SORCS1: variants seen among roughly 807,000 people sequenced by gnomAD.
SORCS1 encodes the protein sortilin related VPS10 domain containing receptor 1, also known as VPS10 domain-containing receptor SorCS1.
Under a neutral mutation model 146.1 loss-of-function variants are expected in SORCS1, and 60 were observed. The observed-to-expected ratio is 0.41, with a 90% confidence interval of 0.33 to 0.51. SORCS1 has a LOEUF of 0.51. SORCS1 is among the 20% of genes least tolerant of loss of function. The probability of loss-of-function intolerance (pLI) is 0.21; values close to 1 mark genes in which losing one functional copy is unlikely to be tolerated. For synonymous variants in SORCS1, 637 were observed against 584.0 expected, an observed-to-expected ratio of 1.09 and a Z score of -1.31; for missense variants, 1,352 against 1,487.6, an observed-to-expected ratio of 0.91 and a Z score of 1.50.
intron 5 of SORCS1, among the ~76,000 whole-genome samples, chr10:106,735,350 G>A (rs1378370132): frequency 3.3e-5 from 5 of 152,088 alleles, no homozygotes; most frequent in East Asian, 3.9e-4. Context: ...ATAAGAATGA[G>A]GGCTACATAA....
At chr10:106,721,300 A>G (rs532940789) in intron 6 of SORCS1, among the ~76,000 whole-genome samples, 1 of 152,132 alleles carries the variant, frequency 6.6e-6, no homozygotes, top group African/African-American at 2.4e-5. Flanking sequence ...AAGGAAGACT[A>G]TGAAATGCGG....
intron 1 of SORCS1, among the ~76,000 whole-genome samples, chr10:107,042,102 CT>C (rs1203100135): frequency 3.3e-5 from 5 of 152,204 alleles, no homozygotes; most frequent in Non-Finnish European, 7.4e-5. Flanking sequence ...TTAAGCACAT[CT>C]CCTGTAATTA....
At chr10:107,150,600 A>T (rs1196768243) in intron 1 of SORCS1, among the ~76,000 whole-genome samples, 1 of 152,154 alleles carries the variant, frequency 6.6e-6, no homozygotes, top group Non-Finnish European at 1.5e-5. Flanking sequence ...AGTTCTTCTC[A>T]CTCACTGATA....
chr10:106,798,019 T>C (rs773429733), intron 3 of SORCS1, among the ~76,000 whole-genome samples: 10 of 152,164 alleles, frequency 6.6e-5, no homozygotes, highest in Non-Finnish European at 1.3e-4. Flanking sequence ...CCCACCCAAA[T>C]CTCATCTTGA....
At position 106,631,487 on chromosome 10, in the gene SORCS1, G is replaced by A. The variant is rs188598399; in HGVS notation, c.2476-2099C>T. Reference sequence around the variant, plus strand: ...AAGCCAGCCCTAGGTGTGGGCAAGGGGAAAGAGCCCACTTTTGAAGCAAGT... The same window carrying A: ...AAGCCAGCCCTAGGTGTGGGCAAGGAGAAAGAGCCCACTTTTGAAGCAAGT... On this transcript the variant is annotated intron_variant, in intron 18 of 25. Coordinates refer to ENST00000263054, the MANE Select transcript of SORCS1 (RefSeq NM_052918.5). 3.9e-3 allele frequency among the ~76,000 whole-genome samples: 588 copies of A among 152,308 alleles called. 4 individuals are homozygous for A. Among genetic ancestry groups the A allele is most frequent in the African/African-American group, 0.014 (572 of 41,584 alleles).
chr10:107,014,253 CAAA>C (rs562179526), intron 1 of SORCS1, among the ~76,000 whole-genome samples: 28,708 of 78,434 alleles, frequency 0.37, 2,901 homozygotes, highest in Admixed American at 0.45. Context: ...GACCCTGCGT[CAAA>C]AAAAAAAAAA....
At position 107,074,738 on chromosome 10, in the gene SORCS1, C is replaced by T. The variant is rs1473035180; in HGVS notation, c.558+89231G>A. On this transcript the variant is annotated intron_variant, in intron 1 of 25. Coordinates refer to ENST00000263054, the MANE Select transcript of SORCS1 (RefSeq NM_052918.5). Reference sequence around the variant, plus strand: ...TTCAGTGTTCTCAATTTTGGCCATTCTCATACATGTGTAGTGGTATCTTAT... The same window carrying T: ...TTCAGTGTTCTCAATTTTGGCCATTTTCATACATGTGTAGTGGTATCTTAT... 2.0e-5 allele frequency among the ~76,000 whole-genome samples: 3 copies of T among 152,218 alleles called. No individual in the cohort carries two copies. In the East Asian group the frequency reaches 5.8e-4, roughly 29 times the overall value.
At chr10:106,612,054 A>C (rs533840500) in intron 21 of SORCS1, 31 bp from the exon 22 acceptor site, 2 of 1,517,902 alleles carry the variant, frequency 1.3e-6, no homozygotes, top group Non-Finnish European at 1.8e-6. Flanking sequence ...GGAGTACTAT[A>C]AGTCAAATAG....
chr10:106,738,645 T>G (rs926154105), intron 5 of SORCS1, among the ~76,000 whole-genome samples: 1 of 152,192 alleles, frequency 6.6e-6, no homozygotes, highest in Non-Finnish European at 1.5e-5. Context: ...CCTCTCTTTA[T>G]CCATTTCTGT....
At chr10:106,860,820 G>A (rs1013653718) in intron 2 of SORCS1, among the ~76,000 whole-genome samples, 7 of 152,136 alleles carry the variant, frequency 4.6e-5, no homozygotes, top group African/African-American at 1.2e-4. Context: ...TAATATTGGC[G>A]AGTTGTCATC....
intron 6 of SORCS1, among the ~76,000 whole-genome samples, chr10:106,722,222 G>A (rs931497084): frequency 6.7e-6 from 1 of 150,000 alleles, no homozygotes; most frequent in African/African-American, 2.5e-5. Context: ...TGCTATTTTT[G>A]TTGGTATAAA....
intron 3 of SORCS1, among the ~76,000 whole-genome samples, chr10:106,801,955 G>C (rs769794214): frequency 6.6e-6 from 1 of 152,204 alleles, no homozygotes; most frequent in Non-Finnish European, 1.5e-5. Flanking sequence ...TCTAGTGTCA[G>C]CGTTTTCATC....
intron 5 of SORCS1, among the ~76,000 whole-genome samples, chr10:106,760,321 G>A (rs1186009097): frequency 6.6e-6 from 1 of 151,686 alleles, no homozygotes; most frequent in Non-Finnish European, 1.5e-5. Context: ...GTGGGCGCCT[G>A]TAGTCCCAGC....
At position 106,637,585 on chromosome 10, in the gene SORCS1, C is replaced by T. The variant is rs79622557; in HGVS notation, c.2476-8197G>A. The stretch of plus-strand genomic sequence containing the variant: ...CTCTGACCTGGGGGATGAAGAGTCG[C>T]CAGTGAAGAGGATAGTGCAGAAGGT... On this transcript the variant is annotated intron_variant, in intron 18 of 25. Coordinates refer to ENST00000263054, the MANE Select transcript of SORCS1 (RefSeq NM_052918.5). 6.3e-3 allele frequency among the ~76,000 whole-genome samples: 954 copies of T among 152,238 alleles called. 13 individuals are homozygous for T. The highest frequency in any genetic ancestry group is 0.021 in the African/African-American group (875 of 41,536).
intron 25 of SORCS1, chr10:106,578,533 C>G: frequency 2.5e-6 from 1 of 405,264 alleles, no homozygotes; most frequent in South Asian, 1.0e-4. Flanking sequence ...GGTTCCAAAT[C>G]TCCTGAGGGA....
chr10:107,052,379 A>G (rs1173142143), intron 1 of SORCS1, among the ~76,000 whole-genome samples: 1 of 152,160 alleles, frequency 6.6e-6, no homozygotes, highest in Non-Finnish European at 1.5e-5. Context: ...CACTGCTTCT[A>G]AGAAAAGTGG....
At position 107,055,991 on chromosome 10, in the gene SORCS1, T is replaced by C. The variant is rs528529484; in HGVS notation, c.559-99411A>G. ...CAGACTCCCCTTTGGCAATTTGAGC[T>C]CCAGCCACGAAGAAACAAAGCTATT... On this transcript the variant is annotated intron_variant, in intron 1 of 25. Coordinates refer to ENST00000263054, the MANE Select transcript of SORCS1 (RefSeq NM_052918.5). Among the ~76,000 whole-genome samples, 11 of 152,276 alleles carry C rather than the reference T, an allele frequency of 7.2e-5. No homozygotes were observed. In the South Asian group the frequency reaches 1.5e-3, roughly 20 times the overall value.
At position 107,164,522 on chromosome 10, in the gene SORCS1, C is replaced by T; in HGVS notation, c.5G>A (p.Gly2Glu). The T allele has an allele frequency of 7.4e-7, 1 of 1,345,730 alleles. No individual in the cohort carries two copies. Among genetic ancestry groups the T allele is most frequent in the Non-Finnish European group, 9.5e-7 (1 of 1,055,848 alleles). 83.4% of individuals were successfully genotyped at this position (1,345,730 alleles called of 1,614,324 possible). A position where few individuals can be genotyped will look rare whatever the true frequency, so the allele number is the denominator to read the frequency against. Residue 2 changes from glycine (G) to glutamate (E), a missense_variant, in exon 1 of 26, where the codon GGA (glycine) becomes GAA (glutamate). By Grantham distance (98) the Gly-to-Glu change is moderately conservative. This residue lies in a region of SORCS1 where 490 missense variants were observed against 489.1 expected (regional missense o/e 1.00). Transcript: ENST00000263054. This position sits in a 1 kb window ranked among gnomAD's most constrained non-coding sequence, Gnocchi z 6.8. ...GGAGCCGCCGCCGGCGCCAACTTTT[C>T]CCATCGCGGGAGCGAAGAGCAGCGG... M[G>E]KVGAGGGSQA...
At chr10:106,709,677 T>C (rs1854829941) in intron 6 of SORCS1, among the ~76,000 whole-genome samples, 1 of 152,100 alleles carries the variant, frequency 6.6e-6, no homozygotes, top group Admixed American at 6.5e-5. Flanking sequence ...CTCGATCTCC[T>C]GACCTCATGA....
Sources: gnomAD v4.1 joint callset for allele counts (sites outside exome capture counted in the v4.1 genomes callset) on GRCh38, gnomAD v4.1.1 for gene constraint, gnomAD v4.1.1 regional missense constraint, Gnocchi (gnomAD v3.1) non-coding constraint, MANE v1.5 for transcripts, NCBI Gene and HGNC (gene_info 2026-07-23, HGNC 2026-07-21) for gene names.